NRXN3: variants seen among roughly 807,000 people sequenced by gnomAD.
The protein encoded by NRXN3 is neurexin III.
A neutral mutation model predicts 137.6 loss-of-function variants in NRXN3; 32 were observed. The observed-to-expected ratio is 0.23, with a 90% CI of 0.18 to 0.31. The LOEUF is 0.31. Ranked by LOEUF, NRXN3 falls within the 10% of genes least tolerant of loss-of-function variation. The probability of loss-of-function intolerance (pLI) is 1.00; values close to 1 mark genes in which losing one functional copy is unlikely to be tolerated. For missense variants in NRXN3, 1,574 were observed against 2,062.5 expected, an observed-to-expected ratio of 0.76 and a Z score of 4.59; for synonymous variants, 798 against 784.5, an observed-to-expected ratio of 1.02 and a Z score of -0.29.
intron 15 of NRXN3, among the ~76,000 whole-genome samples, chr14:79,364,903 C>T (rs1041666955): frequency 1.3e-5 from 2 of 152,120 alleles, no homozygotes; most frequent in Non-Finnish European, 1.5e-5. Flanking sequence ...CCCCTACTTA[C>T]TATTCAAAAA....
intron 10 of NRXN3, among the ~76,000 whole-genome samples, chr14:78,833,626 A>G (rs1437441260): frequency 6.6e-6 from 1 of 152,192 alleles, no homozygotes; most frequent in African/African-American, 2.4e-5. Context: ...CTTGAAGAGA[A>G]TATTTGAAAA....
At chr14:78,424,147 C>T (rs1254546469) in intron 4 of NRXN3, among the ~76,000 whole-genome samples, 1 of 152,138 alleles carries the variant, frequency 6.6e-6, no homozygotes, top group Non-Finnish European at 1.5e-5. Context: ...GGTTGCAGCT[C>T]TCTTCTCCTT....
intron 16 of NRXN3, among the ~76,000 whole-genome samples, chr14:79,502,293 G>T (rs185083558): frequency 0.01 from 1,537 of 152,270 alleles, 26 homozygotes; most frequent in African/African-American, 0.035. Flanking sequence ...GCAGTATCAT[G>T]CATGCTGTCC....
chr14:79,681,409 C>T (rs1301752381), intron 17 of NRXN3, among the ~76,000 whole-genome samples: 3 of 152,062 alleles, frequency 2.0e-5, no homozygotes, highest in Non-Finnish European at 2.9e-5. Flanking sequence ...TTTTTCTCTT[C>T]TGGGTTGGCT....
chr14:79,256,283 G>T (rs116693468), intron 15 of NRXN3, among the ~76,000 whole-genome samples: 1 of 152,066 alleles, frequency 6.6e-6, no homozygotes, highest in African/African-American at 2.4e-5. Context: ...AATATTGTGC[G>T]TTGTTCCAAG....
At chr14:78,722,664 T>C (rs186962663) in intron 8 of NRXN3, among the ~76,000 whole-genome samples, 2 of 152,226 alleles carry the variant, frequency 1.3e-5, no homozygotes, top group African/African-American at 2.4e-5. Context: ...CTCTGCAGAC[T>C]GCATATTATT....
intron 10 of NRXN3, among the ~76,000 whole-genome samples, chr14:78,822,532 G>A (rs897509716): frequency 8.6e-5 from 13 of 151,830 alleles, no homozygotes; most frequent in East Asian, 3.9e-4. Context: ...AAAATTACCC[G>A]GGCATGGCTT....
chr14:79,078,009 C>T (rs1280126270), intron 15 of NRXN3, among the ~76,000 whole-genome samples: 1 of 152,024 alleles, frequency 6.6e-6, no homozygotes, highest in Non-Finnish European at 1.5e-5. Flanking sequence ...TGTAGAAATT[C>T]CAATAAAGCT....
intron 4 of NRXN3, among the ~76,000 whole-genome samples, chr14:78,414,968 G>A (rs2093046079): frequency 6.6e-6 from 1 of 152,132 alleles, no homozygotes; most frequent in Admixed American, 6.6e-5. Context: ...CTGACTCTAA[G>A]GCTGATACAT....
intron 16 of NRXN3, among the ~76,000 whole-genome samples, chr14:79,579,603 CAAT>C (rs2097696488): frequency 6.6e-6 from 1 of 151,894 alleles, no homozygotes; most frequent in Non-Finnish European, 1.5e-5. Flanking sequence ...TGAAATGCAA[CAAT>C]GTCTGTAGAA....
At chr14:79,791,692 C>T (rs899928227) in intron 19 of NRXN3, among the ~76,000 whole-genome samples, 17 of 151,972 alleles carry the variant, frequency 1.1e-4, no homozygotes, top group African/African-American at 4.1e-4. Context: ...TGCAGCTCCA[C>T]ATGTCCCGTG....
At chr14:78,634,508 T>C (rs1440571770) in intron 4 of NRXN3, among the ~76,000 whole-genome samples, 1 of 152,234 alleles carries the variant, frequency 6.6e-6, no homozygotes, top group African/African-American at 2.4e-5. Flanking sequence ...AGACGTTTTA[T>C]TGGCAGCAGA....
At chr14:78,288,681 T>C (rs1163121524) in intron 3 of NRXN3, among the ~76,000 whole-genome samples, 3 of 152,206 alleles carry the variant, frequency 2.0e-5, no homozygotes, top group Non-Finnish European at 4.4e-5. Flanking sequence ...AATGATTCTT[T>C]TCTAAAAGTC....
chr14:79,784,605 G>GTT (rs1486915983), intron 19 of NRXN3, among the ~76,000 whole-genome samples: 7 of 93,638 alleles, frequency 7.5e-5, no homozygotes, highest in African/African-American at 4.0e-5. Context: ...GGTACTTTTT[G>GTT]TTGTGTTGCT....
At chr14:79,684,232 C>T (rs904141611) in intron 17 of NRXN3, among the ~76,000 whole-genome samples, 11 of 151,456 alleles carry the variant, frequency 7.3e-5, no homozygotes, top group African/African-American at 2.2e-4. Context: ...ACCTGTTGGA[C>T]GTTCATAAAG....
chr14:78,290,744 T>C (rs2075731474), intron 3 of NRXN3, among the ~76,000 whole-genome samples: 1 of 152,126 alleles, frequency 6.6e-6, no homozygotes, highest in Non-Finnish European at 1.5e-5. Flanking sequence ...CTCCTGCCCA[T>C]GGTGGCAGAC....
intron 17 of NRXN3, among the ~76,000 whole-genome samples, chr14:79,689,745 C>T (rs1196095814): frequency 6.6e-6 from 1 of 152,000 alleles, no homozygotes; most frequent in African/African-American, 2.4e-5. Flanking sequence ...CTGTATCATG[C>T]CCCCAGATTA....
At chr14:78,836,973 T>C (rs2098998928) in intron 10 of NRXN3, among the ~76,000 whole-genome samples, 1 of 152,116 alleles carries the variant, frequency 6.6e-6, no homozygotes, top group African/African-American at 2.4e-5. Flanking sequence ...TGCTCCCTCC[T>C]TTGAAGGCTG....
chr14:78,297,769 C>G, intron 3 of NRXN3, 62 bp from the exon 4 acceptor site: 1 of 1,255,240 alleles, frequency 8.0e-7, no homozygotes. Flanking sequence ...ACTTTGTCTT[C>G]TTTCTTTTTT....
Sources: gnomAD v4.1 joint callset for allele counts (sites outside exome capture counted in the v4.1 genomes callset) on GRCh38, gnomAD v4.1.1 for gene constraint, MANE v1.5 for transcripts, NCBI Gene and HGNC (gene_info 2026-07-23, HGNC 2026-07-21) for gene names.